CD40LG: variants seen among roughly 807,000 people sequenced by gnomAD.
The protein encoded by CD40LG is CD40 ligand.
CD40LG carries 1 observed loss-of-function variant against 17.2 expected under a neutral mutation model. The ratio of observed to expected loss-of-function variants is 0.06; its 90% confidence interval spans 0.02 to 0.28. The LOEUF is 0.28. Ranked by LOEUF, CD40LG falls within the 10% of genes least tolerant of loss-of-function variation. CD40LG has a pLI of 1.00. For synonymous variants in CD40LG, 66 were observed against 74.4 expected, an observed-to-expected ratio of 0.89 and a Z score of 0.58; for missense variants, 133 against 193.2, an observed-to-expected ratio of 0.69 and a Z score of 1.85.
At chrX:136,653,605 C>T (rs1444298853) in intron 2 of CD40LG, among the ~76,000 whole-genome samples, 1 of 112,332 alleles carries the variant, frequency 8.9e-6, no homozygotes, top group Non-Finnish European at 1.9e-5. Flanking sequence ...TTTGTTCAGT[C>T]TCTTTAAAAT....
At chrX:136,657,560 G>A (rs1797687444) in intron 4 of CD40LG, among the ~76,000 whole-genome samples, 1 of 111,487 alleles carries the variant, frequency 9.0e-6, no homozygotes, top group Admixed American at 9.5e-5. Flanking sequence ...ACTTCACCAT[G>A]GCTTAGATGT....
At chrX:136,654,556 C>T (rs1479687240) in intron 3 of CD40LG, 126 bp downstream of exon 3, 2 of 520,349 alleles carry the variant, frequency 3.8e-6, no homozygotes, top group African/African-American at 4.7e-5. Flanking sequence ...AAAACAGGAA[C>T]ACAATTGTCA....
Position 136,656,337 on chromosome X carries a change from G to C in CD40LG, c.347-19G>C. 8.4e-7 allele frequency: 1 copy of C among 1,196,937 alleles called. No homozygotes were observed. The highest frequency in any genetic ancestry group is 1.1e-6 in the Non-Finnish European group (1 of 881,981). On this transcript the variant is annotated intron_variant, in intron 3 of 4. Transcript: ENST00000370629. ...GTTTTTGCATTATTTTAGCCTGACA[G>C]TTTTTGGTTCCATTTCAGGTGATCA... is the stretch of plus-strand genomic sequence containing the variant.
At chrX:136,656,693 C>T (rs1197060684) in intron 4 of CD40LG, among the ~76,000 whole-genome samples, 2 of 111,566 alleles carry the variant, frequency 1.8e-5, no homozygotes, top group African/African-American at 6.5e-5. Context: ...GTGGAGGGAC[C>T]ATTGTTCTGA....
intron 4 of CD40LG, 55 bp downstream of exon 4, chrX:136,656,473 G>A (rs959084384): frequency 1.7e-4 from 170 of 1,000,326 alleles, no homozygotes; most frequent in Non-Finnish European, 2.1e-4. Flanking sequence ...CTGGGATGCC[G>A]AAGTCATGTT....
intron 1 of CD40LG, among the ~76,000 whole-genome samples, chrX:136,649,190 A>G (rs1286186389): frequency 8.9e-6 from 1 of 112,509 alleles, no homozygotes; most frequent in African/African-American, 3.2e-5. Context: ...AATACCAATC[A>G]TAGATGTAAA....
At chrX:136,656,919 A>G (rs2076120822) in intron 4 of CD40LG, among the ~76,000 whole-genome samples, 1 of 112,332 alleles carries the variant, frequency 8.9e-6, no homozygotes, top group Admixed American at 9.4e-5. Context: ...ACATTTTCCA[A>G]TGAAGTAACA....
intron 3 of CD40LG, among the ~76,000 whole-genome samples, 179 bp downstream of exon 3, chrX:136,654,609 T>C (rs988108115): frequency 8.9e-6 from 1 of 111,744 alleles, no homozygotes; most frequent in African/African-American, 3.3e-5. Context: ...AAAGACTTTG[T>C]ACATATATAT....
At chrX:136,654,302 C>T (rs191737845) in intron 2 of CD40LG, 71 bp from the exon 3 acceptor site, 35 of 759,634 alleles carry the variant, frequency 4.6e-5, no homozygotes, top group East Asian at 4.1e-4. Context: ...AGATGCAAAA[C>T]GAATGATAAT....
chrX:136,655,447 G>A lies in CD40LG; in HGVS notation c.347-909G>A, dbSNP rs1455176498. 7.1e-5 allele frequency among the ~76,000 whole-genome samples: 8 copies of A among 112,308 alleles called. No individual in the cohort carries two copies. The South Asian group carries it at 1.5e-3, about 21-fold the overall frequency. ...TTCAGCAGCAGATTATGGGAAAGAC[G>A]GGGTGTTGTTAGAGAGAATTTTATA... On this transcript the variant is annotated intron_variant, in intron 3 of 4. Transcript: ENST00000370629.
chrX:136,659,640 G>T lies in CD40LG; in HGVS notation c.*225G>T. On this transcript the variant is annotated 3_prime_UTR_variant, in exon 5 of 5. Coordinates refer to ENST00000370629, the MANE Select transcript of CD40LG (RefSeq NM_000074.3). Reference sequence around the variant, plus strand: ...CTCCATAAGAGCTTATATATCTGAAGCAGCAACCCCACTGATGCAGACATC... The same window carrying T: ...CTCCATAAGAGCTTATATATCTGAATCAGCAACCCCACTGATGCAGACATC... 2.5e-6 allele frequency: 1 copy of T among 402,539 alleles called. No homozygotes were observed. The highest frequency in any genetic ancestry group is 4.3e-6 in the Non-Finnish European group (1 of 233,104). The allele number at this position is 402,539 out of a possible 1,213,427, so 33.2% of individuals were successfully genotyped here.
chrX:136,648,425 T>G, intron 1 of CD40LG, 21 bp downstream of exon 1: 1 of 1,197,585 alleles, frequency 8.4e-7, no homozygotes, highest in African/African-American at 1.7e-5. Context: ...CCACAAGCCT[T>G]TATTAACTAA....
intron 3 of CD40LG, among the ~76,000 whole-genome samples, chrX:136,654,822 G>A (rs1162313468): frequency 9.0e-6 from 1 of 111,276 alleles, no homozygotes; most frequent in African/African-American, 3.3e-5. Flanking sequence ...GGCCGGTGGA[G>A]CCTCTGGGAT....
At chrX:136,650,748 G>A (rs1234741444) in intron 2 of CD40LG, among the ~76,000 whole-genome samples, 1 of 111,242 alleles carries the variant, frequency 9.0e-6, no homozygotes, top group African/African-American at 3.3e-5. Flanking sequence ...TCGCACTGGG[G>A]ACCCAGAGTC....
rs758537361 is a variant in CD40LG at position 136,650,415 on chromosome X, TG to T, written c.288+20del. The T allele has an allele frequency of 9.6e-5, 114 of 1,192,577 alleles. No individual in the cohort carries two copies. In the East Asian group the frequency reaches 3.3e-3, roughly 35 times the overall value. On this transcript the variant is annotated intron_variant, in intron 2 of 4. Transcript: ENST00000370629. ...TTGTGAAGGTAAGCAGCTTAATTAC[TG>T]GTAAAAGTGTCATTGAAATATTTTA...
chrX:136,658,176 G>C, intron 4 of CD40LG, among the ~76,000 whole-genome samples: 1 of 111,507 alleles, frequency 9.0e-6, no homozygotes, highest in South Asian at 3.8e-4. Context: ...TATCGAATAG[G>C]AATTATTTTT....
Position 136,659,281 on chromosome X carries a change from T to C in CD40LG, c.652T>C (p.Cys218Arg). The change falls in exon 5 of 5, where the codon TGC (cysteine) becomes CGC (arginine). Residue 218 changes from cysteine to arginine, a missense_variant. Physicochemically the swap from Cys to Arg is radical, Grantham distance 180 (BLOSUM62 -3). Transcript: ENST00000370629. ...AAATACCCACAGTTCCGCCAAACCT[T>C]GCGGGCAACAATCCATTCACTTGGG... The part of the protein sequence containing the change: ...AANTHSSAKP[C>R]GQQSIHLGGV... 1 of 1,211,416 alleles carries C rather than the reference T, an allele frequency of 8.3e-7. No homozygotes were observed. The highest frequency in any genetic ancestry group is 1.1e-6 in the Non-Finnish European group (1 of 895,195).
rs2076128696 is a variant in CD40LG, at chrX:136,659,525, T to C, written c.*110T>C. The C allele has an allele frequency of 2.6e-6, 2 of 777,481 alleles. No homozygotes were observed. 64.1% of individuals were successfully genotyped at this position (777,481 alleles called of 1,213,427 possible). On this transcript the variant is annotated 3_prime_UTR_variant, in exon 5 of 5. Transcript: ENST00000370629. ...CTGCCTATTTATAACCCTAGGATCC[T>C]CCTTATGGAGAACTATTTATTATAC...
chrX:136,652,333 A>G (rs3092938), intron 2 of CD40LG, among the ~76,000 whole-genome samples: 8,998 of 111,592 alleles, frequency 0.081, 839 homozygotes, highest in African/African-American at 0.26. Flanking sequence ...ACCCTAAAAC[A>G]AAATTCGAGA....
Sources: allele counts gnomAD v4.1 joint callset (sites outside exome capture counted in the v4.1 genomes callset), GRCh38; gene constraint gnomAD v4.1.1; transcripts MANE v1.5; gene names NCBI Gene and HGNC (gene_info 2026-07-23, HGNC 2026-07-21).